Variants in EDA observed in about 807,000 individuals in gnomAD.
EDA encodes ectodysplasin A, also known as ectodysplasin-A.
EDA carries 2 observed loss-of-function variants against 23.6 expected under a neutral mutation model. The ratio of observed to expected loss-of-function variants is 0.08; its 90% CI spans 0.03 to 0.27. The LOEUF is 0.27. Among genes scored for constraint, EDA ranks in the 10% least tolerant of loss-of-function variants. EDA has a pLI of 1.00. For synonymous variants in EDA, 131 were observed against 132.0 expected, an observed-to-expected ratio of 0.99 and a Z score of 0.05; for missense variants, 229 against 324.2, an observed-to-expected ratio of 0.71 and a Z score of 2.26.
chrX:69,645,737 C>T (rs1362214883), intron 1 of EDA, among the ~76,000 whole-genome samples: 7 of 106,143 alleles, frequency 6.6e-5, no homozygotes, highest in Non-Finnish European at 1.4e-4. Flanking sequence ...TTAACTCGAA[C>T]CTGATGTAAA....
intron 6 of EDA, among the ~76,000 whole-genome samples, chrX:70,031,762 G>A (rs2020203014): frequency 8.9e-6 from 1 of 112,554 alleles, no homozygotes; most frequent in East Asian, 2.8e-4. Flanking sequence ...GGGACCCCAA[G>A]GCCCTGAGTG....
intron 1 of EDA, among the ~76,000 whole-genome samples, chrX:69,679,401 G>C (rs1042093912): frequency 1.6e-4 from 18 of 110,800 alleles, no homozygotes; most frequent in East Asian, 5.7e-4. Context: ...GGAATGGTAC[G>C]AGTTCCTCCT....
chrX:69,640,152 G>A (rs1932824030), intron 1 of EDA, among the ~76,000 whole-genome samples: 1 of 111,491 alleles, frequency 9.0e-6, no homozygotes, highest in East Asian at 2.8e-4. Flanking sequence ...GTGACAATCT[G>A]TGGGTTACTT....
At chrX:70,027,461 G>A (rs1365777516) in intron 3 of EDA, among the ~76,000 whole-genome samples, 2 of 111,824 alleles carry the variant, frequency 1.8e-5, no homozygotes, top group Non-Finnish European at 3.8e-5. Flanking sequence ...CTCCCAGAGA[G>A]CTGACTTTGT....
intron 1 of EDA, among the ~76,000 whole-genome samples, chrX:69,706,026 A>G (rs779298281): frequency 8.0e-5 from 9 of 112,309 alleles, no homozygotes; most frequent in Non-Finnish European, 1.3e-4. Flanking sequence ...CTCCATTGTA[A>G]GAGCTTCTAA....
intron 1 of EDA, among the ~76,000 whole-genome samples, chrX:69,661,714 T>C (rs1252826134): frequency 9.0e-6 from 1 of 111,435 alleles, no homozygotes; most frequent in African/African-American, 3.3e-5. Context: ...ATATCTCTGT[T>C]TTGGTACCAG....
At position 70,027,652 on chromosome X, in the gene EDA, G is replaced by T. The variant is rs1012218664; in HGVS notation, c.527-205G>T. On this transcript the variant is annotated intron_variant, in intron 3 of 7. Coordinates refer to ENST00000374552, the MANE Select transcript of EDA (RefSeq NM_001399.5). The stretch of plus-strand genomic sequence containing the variant: ...AACCTGGCCGACATGGTGAAACCCC[G>T]TCTCTACTAAAAATACAAAAATTAG... Among the ~76,000 whole-genome samples the T allele has an allele frequency of 7.3e-5, 8 of 110,327 alleles. No homozygotes were observed. In the Admixed American group the frequency reaches 7.7e-4, roughly 11 times the overall value.
intron 1 of EDA, among the ~76,000 whole-genome samples, chrX:69,700,764 C>T (rs1014455654): frequency 1.8e-5 from 2 of 110,663 alleles, no homozygotes; most frequent in African/African-American, 3.3e-5. Context: ...GGGTTAACTA[C>T]GGATGGGGAA....
At chrX:69,677,281 A>G (rs1229012059) in intron 1 of EDA, among the ~76,000 whole-genome samples, 1 of 107,835 alleles carries the variant, frequency 9.3e-6, no homozygotes, top group African/African-American at 3.4e-5. Context: ...TAATGCCGCA[A>G]TAAACATACG....
chrX:69,991,086 G>A (rs1026156986), intron 2 of EDA, among the ~76,000 whole-genome samples: 64 of 110,373 alleles, frequency 5.8e-4, no homozygotes, highest in Non-Finnish European at 1.0e-3. Flanking sequence ...TTAGTTTCAA[G>A]GGAATTCATA....
At chrX:69,682,460 A>G (rs960304320) in intron 1 of EDA, among the ~76,000 whole-genome samples, 26 of 112,104 alleles carry the variant, frequency 2.3e-4, no homozygotes, top group African/African-American at 8.4e-4. Context: ...CTGCTGTGCT[A>G]TCAATCAGCG....
rs193080810 is a variant in EDA, at chrX:69,641,837, T to A, written c.396+25133T>A. Among the ~76,000 whole-genome samples, 7 of 111,934 alleles carry A rather than the reference T, an allele frequency of 6.3e-5. No individual in the cohort carries two copies. The Admixed American group carries it at 6.7e-4, about 11-fold the overall frequency. On this transcript the variant is annotated intron_variant, in intron 1 of 7. Coordinates refer to ENST00000374552, the MANE Select transcript of EDA (RefSeq NM_001399.5). The stretch of plus-strand genomic sequence containing the variant: ...AAGAGCTCGGATTATAGAGCTAAAC[T>A]GCATGGCTTTGAATTGTTGTTCTCA...
In EDA at chrX:69,747,789, A is replaced by C. The variant is rs1394388264; in HGVS notation, c.396+131085A>C. On this transcript the variant is annotated intron_variant, in intron 1 of 7. Coordinates refer to ENST00000374552, the MANE Select transcript of EDA (RefSeq NM_001399.5). ...AAAGACTGTTTTCCTTTCTGGTTTT[A>C]GTAACTGGGTAGCTTAAAATGGAGT... 2.7e-5 allele frequency among the ~76,000 whole-genome samples: 3 copies of C among 111,774 alleles called. No individual in the cohort carries two copies. The East Asian group carries it at 8.4e-4, about 31-fold the overall frequency.
rs945728353 is a variant in EDA at position 70,037,043 on chromosome X, T to C, written c.*1434T>C. On this transcript the variant is annotated 3_prime_UTR_variant, in exon 8 of 8. Transcript: ENST00000374552. ...ACCCCAAGCTTCCCAACAGATCATA[T>C]GGTAGGACCCTCGAGAGCCTTACTT... 1 of 112,085 alleles carries C rather than the reference T, an allele frequency of 8.9e-6. No homozygotes were observed. The highest frequency in any genetic ancestry group is 9.4e-5 in the Admixed American group (1 of 10,610). The allele number at this position is 112,085 out of a possible 1,213,427, so 9.2% of individuals were successfully genotyped here. A position where few individuals can be genotyped will look rare whatever the true frequency, so the allele number is the denominator to read the frequency against.
At chrX:69,839,003 G>A (rs919223572) in intron 1 of EDA, among the ~76,000 whole-genome samples, 28 of 111,798 alleles carry the variant, frequency 2.5e-4, no homozygotes, top group African/African-American at 7.1e-4. Flanking sequence ...GTCCATATAG[G>A]CAGATATAGA....
At chrX:69,732,990 C>A (rs894504486) in intron 1 of EDA, among the ~76,000 whole-genome samples, 16 of 109,478 alleles carry the variant, frequency 1.5e-4, no homozygotes, top group Admixed American at 1.4e-3. Context: ...TTCATAGATT[C>A]TGGATATTAG....
At chrX:69,937,704 T>A (rs2018695389) in intron 1 of EDA, 1 of 1,156,628 alleles carries the variant, frequency 8.6e-7, no homozygotes, top group African/African-American at 1.8e-5. Context: ...ATACATGTCC[T>A]CTGTCAAATT....
At chrX:69,703,531 G>A (rs2011597723) in intron 1 of EDA, among the ~76,000 whole-genome samples, 1 of 112,407 alleles carries the variant, frequency 8.9e-6, no homozygotes, top group African/African-American at 3.2e-5. Context: ...TTTAATGAGC[G>A]CCTGGGTGCA....
At chrX:70,021,716 G>T (rs1026193017) in intron 2 of EDA, among the ~76,000 whole-genome samples, 1 of 111,860 alleles carries the variant, frequency 8.9e-6, no homozygotes, top group Non-Finnish European at 1.9e-5. Flanking sequence ...AGTACAGCAG[G>T]TTGCTCCAAT....
Sources: allele counts gnomAD v4.1 joint callset (sites outside exome capture counted in the v4.1 genomes callset), GRCh38; gene constraint gnomAD v4.1.1; transcripts MANE v1.5; gene names NCBI Gene and HGNC (gene_info 2026-07-23, HGNC 2026-07-21).